MBNL2: variants seen among roughly 807,000 people sequenced by gnomAD.
The protein encoded by MBNL2 is muscleblind-like protein 2.
A neutral mutation model predicts 41.9 loss-of-function variants in MBNL2; 17 were observed. The ratio of observed to expected loss-of-function variants is 0.41; its 90% CI spans 0.28 to 0.61. MBNL2 has a LOEUF of 0.61. Among genes scored for constraint, MBNL2 ranks in the 20% least tolerant of loss-of-function variants. The pLI, the probability that MBNL2 is intolerant of heterozygous loss-of-function variation, is 0.35. For synonymous variants in MBNL2, 195 were observed against 182.9 expected, an observed-to-expected ratio of 1.07 and a Z score of -0.53; for missense variants, 336 against 505.6, an observed-to-expected ratio of 0.66 and a Z score of 3.22.
chr13:97,327,682 T>C (rs1028231382), intron 2 of MBNL2, among the ~76,000 whole-genome samples: 1 of 152,038 alleles, frequency 6.6e-6, no homozygotes, highest in African/African-American at 2.4e-5. Context: ...TCATGCCATG[T>C]TGATTAGCCC....
intron 4 of MBNL2, 124 bp downstream of exon 4, chr13:97,343,340 CT>C: frequency 1.4e-6 from 1 of 713,072 alleles, no homozygotes; most frequent in Non-Finnish European, 2.3e-6. Flanking sequence ...CACACACAAA[CT>C]CACCTAAAAC....
chr13:97,314,981 A>T (rs1468563479), intron 2 of MBNL2, among the ~76,000 whole-genome samples: 1 of 152,226 alleles, frequency 6.6e-6, no homozygotes, highest in Non-Finnish European at 1.5e-5. Flanking sequence ...GGCATATAGT[A>T]ATATACTCTT....
chr13:97,239,286 C>A (rs536268483), intron 1 of MBNL2, among the ~76,000 whole-genome samples: 2 of 152,196 alleles, frequency 1.3e-5, no homozygotes, highest in African/African-American at 4.8e-5. Flanking sequence ...ATAGATACCT[C>A]ATATGGAATA....
At chr13:97,352,866 G>A (rs2062627615) in intron 5 of MBNL2, among the ~76,000 whole-genome samples, 2 of 152,240 alleles carry the variant, frequency 1.3e-5, no homozygotes, top group South Asian at 4.1e-4. Context: ...TTCCTCAATG[G>A]ACCAGTTTTA....
chr13:97,338,889 C>T (rs868078469), intron 3 of MBNL2, among the ~76,000 whole-genome samples: 3 of 152,178 alleles, frequency 2.0e-5, no homozygotes, highest in South Asian at 2.1e-4. Flanking sequence ...ACGGCATTCT[C>T]GCCTACTGAC....
chr13:97,236,037 G>A (rs569388134), intron 1 of MBNL2, among the ~76,000 whole-genome samples: 2 of 152,284 alleles, frequency 1.3e-5, no homozygotes, highest in African/African-American at 4.8e-5. Context: ...GGAGAAGGGC[G>A]ATTGTGTTTG....
intron 2 of MBNL2, among the ~76,000 whole-genome samples, chr13:97,282,781 G>A (rs572238935): frequency 3.3e-5 from 5 of 152,292 alleles, no homozygotes; most frequent in African/African-American, 1.2e-4. Context: ...CAGACTTCAT[G>A]TCATAGTTTA....
the MBNL2 span, among the ~76,000 whole-genome samples, chr13:97,167,279 T>C: frequency 6.6e-6 from 1 of 151,842 alleles, no homozygotes; most frequent in Non-Finnish European, 1.5e-5. Context: ...CTTAAAGAGG[T>C]AGATGAATTG....
At chr13:97,257,081 G>A (rs1302279319) in intron 1 of MBNL2, among the ~76,000 whole-genome samples, 1 of 151,942 alleles carries the variant, frequency 6.6e-6, no homozygotes, top group Admixed American at 6.6e-5. Context: ...TTGGTGATTG[G>A]AATATGCAGA....
chr13:97,256,430 G>A (rs1200615546), intron 1 of MBNL2, among the ~76,000 whole-genome samples: 1 of 152,046 alleles, frequency 6.6e-6, no homozygotes, highest in African/African-American at 2.4e-5. Flanking sequence ...GGCTTGCTGG[G>A]AAATTGGTTA....
intron 1 of MBNL2, among the ~76,000 whole-genome samples, chr13:97,227,185 C>G (rs1165019295): frequency 6.6e-6 from 1 of 152,152 alleles, no homozygotes; most frequent in African/African-American, 2.4e-5. Flanking sequence ...GGTTCAGGGA[C>G]GCAGCCTGGG....
rs145804180 is a variant in MBNL2 at position 97,353,626 on chromosome 13, T to G, written c.805-3170T>G. Reference sequence around the variant, plus strand: ...GACATTTATTTCCTTTGGAGTCTTATTCTTTTAAGTACTTCTTAAAACATA... The same window carrying G: ...GACATTTATTTCCTTTGGAGTCTTAGTCTTTTAAGTACTTCTTAAAACATA... On this transcript the variant is annotated intron_variant, in intron 5 of 8. Transcript: ENST00000679496. Among the ~76,000 whole-genome samples the G allele has an allele frequency of 3.2e-3, 493 of 152,340 alleles. 4 individuals carry two copies. The highest frequency in any genetic ancestry group is 0.011 in the African/African-American group (440 of 41,582).
intron 2 of MBNL2, among the ~76,000 whole-genome samples, chr13:97,317,340 G>T (rs1370331814): frequency 6.6e-6 from 1 of 152,144 alleles, no homozygotes; most frequent in Non-Finnish European, 1.5e-5. Context: ...AAATAGCTCA[G>T]AACTGCGTAC....
At chr13:97,221,710 T>C (rs2040873782), upstream of MBNL2, among the ~76,000 whole-genome samples, 1 of 152,204 alleles carries the variant, frequency 6.6e-6, no homozygotes, top group Non-Finnish European at 1.5e-5. Flanking sequence ...CCAAGTGGTC[T>C]GAAAACTTAG....
the MBNL2 span, among the ~76,000 whole-genome samples, chr13:97,171,471 AT>A: frequency 7.2e-5 from 11 of 152,226 alleles, no homozygotes; most frequent in East Asian, 5.8e-4. Flanking sequence ...CTGTAAAAAA[AT>A]TTTTTTGAAG....
intron 2 of MBNL2, among the ~76,000 whole-genome samples, chr13:97,286,892 T>G (rs1431758554): frequency 1.3e-5 from 2 of 152,204 alleles, no homozygotes; most frequent in Non-Finnish European, 2.9e-5. Flanking sequence ...CACTTTCTGT[T>G]TCCTCCACTG....
the MBNL2 span, among the ~76,000 whole-genome samples, chr13:97,194,677 A>G: frequency 6.6e-6 from 1 of 152,216 alleles, no homozygotes; most frequent in Admixed American, 6.5e-5. Flanking sequence ...ATAAAACAGG[A>G]TGTGGTAAAG....
At chr13:97,239,395 G>A (rs1001360266) in intron 1 of MBNL2, among the ~76,000 whole-genome samples, 2 of 152,224 alleles carry the variant, frequency 1.3e-5, no homozygotes, top group Non-Finnish European at 2.9e-5. Context: ...TGGAATACTT[G>A]TGAATGGCTG....
At chr13:97,200,940 T>C in the MBNL2 span, among the ~76,000 whole-genome samples, 5 of 152,214 alleles carry the variant, frequency 3.3e-5, no homozygotes, top group Admixed American at 3.3e-4. Context: ...TTTAAAACTC[T>C]ACTTTTGTTT....
Sources: allele counts gnomAD v4.1 joint callset (sites outside exome capture counted in the v4.1 genomes callset), GRCh38; gene constraint gnomAD v4.1.1; transcripts MANE v1.5; gene names NCBI Gene and HGNC (gene_info 2026-07-23, HGNC 2026-07-21).